Variants in CAVIN4 observed in about 807,000 individuals in gnomAD.
The protein encoded by CAVIN4 is caveolae associated protein 4.
CAVIN4 carries 10 observed loss-of-function variants against 18.6 expected under a neutral mutation model. The observed-to-expected ratio is 0.54, with a 90% CI of 0.33 to 0.91. The LOEUF is 0.91. Among genes scored for constraint, CAVIN4 ranks in the 40% least tolerant of loss-of-function variants. The probability of loss-of-function intolerance (pLI) is 0.02; values close to 1 mark genes in which losing one functional copy is unlikely to be tolerated. For missense variants in CAVIN4, 459 were observed against 440.5 expected (o/e 1.04, Z -0.38); for synonymous variants, 173 against 164.8 (o/e 1.05, Z -0.38).
chr9:100,578,276 G>C lies in CAVIN4; in HGVS notation c.133G>C (p.Asp45His). ...TVLDKVASIV[D>H]SVQASQKRIE... is the part of the protein sequence containing the mutation. ...GCTGGACAAAGTAGCCTCCATCGTG[G>C]ACAGTGTGCAGGCAAGCCAGAAGAG... is the stretch of plus-strand genomic sequence containing the variant. The change falls in exon 1 of 2, where the codon GAC (aspartate) becomes CAC (histidine). Residue 45 changes from aspartate to histidine, a missense_variant. By Grantham distance (81) the Asp-to-His change is moderately conservative. Transcript: ENST00000307584. 1 of 1,614,066 alleles carries C rather than the reference G, an allele frequency of 6.2e-7. No individual in the cohort carries two copies. Among genetic ancestry groups the C allele is most frequent in the Non-Finnish European group, 8.5e-7 (1 of 1,179,994 alleles).
In CAVIN4 at chr9:100,586,321, C is replaced by T; in HGVS notation, c.965C>T (p.Ala322Val). The change falls in exon 2 of 2, where the codon GCC becomes GTC. Residue 322 changes from alanine (A) to valine (V), a missense_variant. Transcript: ENST00000307584. ...DELSEPEHEA[A>V]RPVYPPHEGR... ...CTCAGTGAACCAGAACACGAGGCAG[C>T]CAGGCCGGTGTATCCTCCCCATGAA... 6.2e-7 allele frequency: 1 copy of T among 1,613,882 alleles called. No individual in the cohort carries two copies. Among genetic ancestry groups the T allele is most frequent in the South Asian group, 1.1e-5 (1 of 91,028 alleles).
intron 1 of CAVIN4, among the ~76,000 whole-genome samples, chr9:100,579,419 A>T (rs962247590): frequency 1.3e-5 from 2 of 152,342 alleles, no homozygotes; most frequent in Non-Finnish European, 2.9e-5. Flanking sequence ...AAACACAAAT[A>T]AGAATAAAAT....
At chr9:100,581,994 A>G (rs1418920960) in intron 1 of CAVIN4, among the ~76,000 whole-genome samples, 1 of 152,214 alleles carries the variant, frequency 6.6e-6, no homozygotes, top group Non-Finnish European at 1.5e-5. Flanking sequence ...TAAGTATCCA[A>G]AGAAATAAGG....
Position 100,586,391 on chromosome 9 carries a change from A to G in CAVIN4, c.1035A>G (p.Lys345=). 1 of 1,614,130 alleles carries G rather than the reference A, an allele frequency of 6.2e-7. No individual in the cohort carries two copies. The highest frequency in any genetic ancestry group is 8.5e-7 in the Non-Finnish European group (1 of 1,180,016). Reference sequence around the variant, plus strand: ...CCGAGCCTTTAAAAGTTACTTTTAAATCTCAGGTGAAAGTAGAGGATGATG... The same window carrying G: ...CCGAGCCTTTAAAAGTTACTTTTAAGTCTCAGGTGAAAGTAGAGGATGATG... ...PTPEPLKVTF[K]SQVKVEDDES... The change falls in exon 2 of 2, where the codon AAA becomes AAG. Residue 345 remains lysine (K), a synonymous_variant. Transcript: ENST00000307584.
intron 1 of CAVIN4, among the ~76,000 whole-genome samples, chr9:100,581,689 G>A (rs1182709915): frequency 6.6e-6 from 1 of 152,160 alleles, no homozygotes; most frequent in Non-Finnish European, 1.5e-5. Flanking sequence ...TGTACTTAAA[G>A]GAGGGTATGT....
intron 1 of CAVIN4, among the ~76,000 whole-genome samples, chr9:100,581,926 C>G (rs953897031): frequency 6.6e-6 from 1 of 152,164 alleles, no homozygotes; most frequent in Non-Finnish European, 1.5e-5. Context: ...GACGCCCACC[C>G]CTGCCTTTTT....
In CAVIN4 at chr9:100,578,204, G is replaced by A. The variant is rs146531701; in HGVS notation, c.61G>A (p.Val21Ile). ...AATCCACCAGAATCGCCTGTCGAGTGTTACAGAAGATGAAGACCAAGACGC... is the reference window on the plus strand; with the variant it reads ...AATCCACCAGAATCGCCTGTCGAGTATTACAGAAGATGAAGACCAAGACGC... ...DKIHQNRLSSVTEDEDQDAAL... is the reference protein window; with the variant it reads ...DKIHQNRLSSITEDEDQDAAL... Residue 21 changes from valine (V) to isoleucine (I), a missense_variant, in exon 1 of 2, where the codon GTT becomes ATT. Physicochemically the swap from Val to Ile is conservative, Grantham distance 29. Coordinates refer to ENST00000307584, the MANE Select transcript of CAVIN4 (RefSeq NM_001018116.2). 2 of 1,613,912 alleles carry A rather than the reference G, an allele frequency of 1.2e-6. No homozygotes were observed. The highest frequency in any genetic ancestry group is 2.7e-5 in the African/African-American group (2 of 74,916).
At chr9:100,581,365 A>G (rs1431512124) in intron 1 of CAVIN4, 1 of 152,246 alleles carries the variant, frequency 6.6e-6, no homozygotes, top group Non-Finnish European at 1.5e-5. Flanking sequence ...GTTGCAGCCA[A>G]TCGCCCTCAC....
At chr9:100,581,089 A>G (rs1330748383) in intron 1 of CAVIN4, 1 of 152,176 alleles carries the variant, frequency 6.6e-6, no homozygotes, top group Non-Finnish European at 1.5e-5. Flanking sequence ...CTATATCTTC[A>G]CTAATAAGCC....
intron 1 of CAVIN4, among the ~76,000 whole-genome samples, chr9:100,579,909 G>A (rs1372476260): frequency 1.3e-5 from 2 of 152,084 alleles, no homozygotes; most frequent in African/African-American, 4.8e-5. Context: ...ACACTGGGAT[G>A]GTGGAGTGGT....
chr9:100,585,086 A>C (rs902447030), intron 1 of CAVIN4, among the ~76,000 whole-genome samples: 1 of 152,254 alleles, frequency 6.6e-6, no homozygotes, highest in Non-Finnish European at 1.5e-5. Flanking sequence ...GCTATGCTTT[A>C]GTAATATTCT....
Position 100,586,313 on chromosome 9 carries a change from C to T in CAVIN4, c.957C>T (p.His319=), listed in dbSNP as rs147712803. 23 of 1,613,488 alleles carry T rather than the reference C, an allele frequency of 1.4e-5. No individual in the cohort carries two copies. Among genetic ancestry groups the T allele is most frequent in the Middle Eastern group, 3.3e-4 (2 of 6,084 alleles). The change falls in exon 2 of 2, where the codon CAC becomes CAT. Residue 319 remains histidine, a synonymous_variant. Transcript: ENST00000307584. ...CTGATGAGCTCAGTGAACCAGAACACGAGGCAGCCAGGCCGGTGTATCCTC... is the reference window on the plus strand; with the variant it reads ...CTGATGAGCTCAGTGAACCAGAACATGAGGCAGCCAGGCCGGTGTATCCTC... ...LYSDELSEPE[H]EAARPVYPPH...
At chr9:100,579,902 C>T (rs1190883090) in intron 1 of CAVIN4, among the ~76,000 whole-genome samples, 1 of 152,096 alleles carries the variant, frequency 6.6e-6, no homozygotes, top group East Asian at 1.9e-4. Context: ...TAAGGTTACA[C>T]TGGGATGGTG....
At chr9:100,579,457 A>C (rs1260250125) in intron 1 of CAVIN4, among the ~76,000 whole-genome samples, 1 of 152,236 alleles carries the variant, frequency 6.6e-6, no homozygotes, top group Non-Finnish European at 1.5e-5. Flanking sequence ...AAATGTTGGC[A>C]GTTATTAAAA....
intron 1 of CAVIN4, among the ~76,000 whole-genome samples, chr9:100,583,685 C>G (rs1839450076): frequency 6.6e-6 from 1 of 151,418 alleles, no homozygotes; most frequent in Non-Finnish European, 1.5e-5. Flanking sequence ...CTTGCTGTGT[C>G]ACCCAGGCTG....
chr9:100,581,526 A>G (rs932731982), intron 1 of CAVIN4: 3 of 152,230 alleles, frequency 2.0e-5, no homozygotes, highest in Admixed American at 6.5e-5. Flanking sequence ...CAACATCTAC[A>G]ATCTTCAGTT....
rs779998514 is a variant in CAVIN4, at chr9:100,585,864, G to T, written c.508G>T (p.Asp170Tyr). The part of the protein sequence containing the change: ...DDDDIFDPPV[D>Y]LSSDEEYYVE... ...TGATGATATCTTTGATCCCCCAGTA[G>T]ATCTGTCTTCGGATGAAGAATATTA... Residue 170 changes from aspartate (D) to tyrosine (Y), a missense_variant, in exon 2 of 2, where the codon GAT (aspartate) becomes TAT (tyrosine). Transcript: ENST00000307584. 6.2e-7 allele frequency: 1 copy of T among 1,614,152 alleles called. No individual in the cohort carries two copies. The highest frequency in any genetic ancestry group is 2.2e-5 in the East Asian group (1 of 44,874).
At chr9:100,583,030 A>G (rs753065085) in intron 1 of CAVIN4, among the ~76,000 whole-genome samples, 6 of 152,194 alleles carry the variant, frequency 3.9e-5, no homozygotes, top group Non-Finnish European at 7.4e-5. Context: ...CTGAATTCTG[A>G]AACACACCTT....
intron 1 of CAVIN4, 138 bp from the exon 2 acceptor site, chr9:100,585,627 C>A (rs1269872143): frequency 1.3e-6 from 1 of 743,540 alleles, no homozygotes; most frequent in Non-Finnish European, 2.3e-6. Context: ...TAAGAGAAAC[C>A]CTAAGAAATG....
Sources: allele counts gnomAD v4.1 joint callset (sites outside exome capture counted in the v4.1 genomes callset), GRCh38; gene constraint gnomAD v4.1.1; transcripts MANE v1.5; gene names NCBI Gene and HGNC (gene_info 2026-07-23, HGNC 2026-07-21).